The following KIAA1671 variants were observed in gnomAD, a reference collection of about 807,000 sequenced individuals.
KIAA1671 encodes KIAA1671, also known as uncharacterized protein KIAA1671.
Under a neutral mutation model 131.2 loss-of-function variants are expected in KIAA1671, and 52 were observed. That is an observed-to-expected ratio of 0.40 (90% confidence interval 0.32 to 0.50). The LOEUF (loss-of-function observed/expected upper bound fraction) is 0.50. KIAA1671 is among the 20% of genes least tolerant of loss of function. The pLI, the probability that KIAA1671 is intolerant of heterozygous loss-of-function variation, is 0.73. For synonymous variants in KIAA1671, 1,003 were observed against 961.6 expected (o/e 1.04, Z -0.80); for missense variants, 2,360 against 2,364.2 (o/e 1.00, Z 0.04).
intron 4 of KIAA1671, among the ~76,000 whole-genome samples, chr22:25,038,331 C>A (rs1372672693): frequency 6.6e-6 from 1 of 152,134 alleles, no homozygotes; most frequent in Non-Finnish European, 1.5e-5. Flanking sequence ...GTAACAAATG[C>A]CTGTGCAGTA....
At chr22:24,970,815 C>T (rs142068603) in intron 1 of KIAA1671, among the ~76,000 whole-genome samples, 21 of 151,118 alleles carry the variant, frequency 1.4e-4, no homozygotes, top group African/African-American at 4.6e-4. Context: ...TCCTGCAGCC[C>T]GAGGGCCATG....
chr22:24,956,198 G>A (rs1442546628), intron 1 of KIAA1671, among the ~76,000 whole-genome samples: 1 of 152,218 alleles, frequency 6.6e-6, no homozygotes, highest in African/African-American at 2.4e-5. Context: ...TCCTCAAGGT[G>A]GGTGTAACAG....
intron 1 of KIAA1671, among the ~76,000 whole-genome samples, chr22:25,021,483 G>A (rs200949862): frequency 4.3e-5 from 2 of 46,744 alleles, no homozygotes; most frequent in African/African-American, 1.8e-4. Context: ...TTTTTTTTTT[G>A]TCCTTTTTTT....
At chr22:24,990,919 C>CT (rs538714696) in intron 1 of KIAA1671, among the ~76,000 whole-genome samples, 4 of 151,726 alleles carry the variant, frequency 2.6e-5, no homozygotes, top group African/African-American at 7.3e-5. Context: ...AAGCCAGGAC[C>CT]AAAGGCTTCT....
chr22:25,011,333 G>A (rs1268473945), intron 1 of KIAA1671: 3 of 152,108 alleles, frequency 2.0e-5, no homozygotes, highest in East Asian at 3.9e-4. Flanking sequence ...TTTTTTTGTA[G>A]AGATGGGGTT....
At chr22:25,016,097 T>C (rs1925301349) in intron 1 of KIAA1671, among the ~76,000 whole-genome samples, 1 of 150,820 alleles carries the variant, frequency 6.6e-6, no homozygotes, top group African/African-American at 2.4e-5. Context: ...CTCGGCTCAC[T>C]GCAACCACCA....
chr22:25,108,494 A>G (rs1175468066), intron 6 of KIAA1671, among the ~76,000 whole-genome samples: 1 of 152,142 alleles, frequency 6.6e-6, no homozygotes, highest in African/African-American at 2.4e-5. Flanking sequence ...GTGTGGGGAA[A>G]ATGGACAAAC....
chr22:25,029,354 T>C lies in KIAA1671; in HGVS notation c.1355T>C (p.Leu452Ser). 6.4e-7 allele frequency: 1 copy of C among 1,550,886 alleles called. No individual in the cohort carries two copies. The highest frequency in any genetic ancestry group is 8.7e-7 in the Non-Finnish European group (1 of 1,146,606). The stretch of plus-strand genomic sequence containing the variant: ...TTTCGGGAGGACAGCACCTTGGCCT[T>C]GGCAGTGGGGTCTGAATCTCCCCTG... ...SLFREDSTLA[L>S]AVGSESPLAT... is the part of the protein sequence containing the mutation. Residue 452 changes from leucine (L) to serine (S), a missense_variant, in exon 3 of 13, where the codon TTG becomes TCG. Physicochemically the swap from Leu to Ser is moderately radical, Grantham distance 145. Coordinates refer to ENST00000358431, the MANE Select transcript of KIAA1671 (RefSeq NM_001145206.2).
At chr22:25,001,780 G>C (rs1924493127) in intron 1 of KIAA1671, among the ~76,000 whole-genome samples, 2 of 152,156 alleles carry the variant, frequency 1.3e-5, no homozygotes, top group South Asian at 4.1e-4. Flanking sequence ...AGTGCCTGTT[G>C]GTTTTCAGAT....
intron 6 of KIAA1671, among the ~76,000 whole-genome samples, chr22:25,124,063 A>G (rs1568968774): frequency 6.6e-6 from 1 of 152,140 alleles, no homozygotes; most frequent in Non-Finnish European, 1.5e-5. Context: ...TCTTGCCCAT[A>G]AAGGAGGCTG....
intron 6 of KIAA1671, among the ~76,000 whole-genome samples, chr22:25,090,512 C>T (rs958808931): frequency 1.3e-5 from 2 of 152,250 alleles, no homozygotes; most frequent in Admixed American, 6.5e-5. Flanking sequence ...CAGACTCCCT[C>T]AGTCCTTTAG....
chr22:25,105,825 G>C (rs983608746), intron 6 of KIAA1671, among the ~76,000 whole-genome samples: 8 of 152,076 alleles, frequency 5.3e-5, no homozygotes, highest in African/African-American at 1.9e-4. Context: ...AAGTTGGGGG[G>C]GGGGGGTGCC....
chr22:25,164,978 CGTGTGTGTGTGTGTGTGTGTGTGTGTGT>C (rs59765745), intron 6 of KIAA1671, among the ~76,000 whole-genome samples: 2 of 116,584 alleles, frequency 1.7e-5, no homozygotes, highest in East Asian at 5.1e-4. Flanking sequence ...GAGTTGCAGG[CGTGTGTGTGTGTGTGTGTGTGTGTGTGT>C]GTGTGTGTGT....
chr22:25,162,173 C>T (rs1333560740), intron 6 of KIAA1671, among the ~76,000 whole-genome samples: 2 of 152,196 alleles, frequency 1.3e-5, no homozygotes, highest in South Asian at 2.1e-4. Flanking sequence ...ACATTGTCAG[C>T]GCTCAGGAGT....
intron 6 of KIAA1671, among the ~76,000 whole-genome samples, chr22:25,139,873 A>G (rs1932781458): frequency 6.6e-6 from 1 of 152,208 alleles, no homozygotes. Context: ...TGAAGGCCTA[A>G]GGACGGAGTG....
At chr22:25,150,777 G>A (rs569636869) in intron 6 of KIAA1671, among the ~76,000 whole-genome samples, 1 of 151,800 alleles carries the variant, frequency 6.6e-6, no homozygotes, top group Non-Finnish European at 1.5e-5. Context: ...GTCCGTGGGT[G>A]GGAAAATCAT....
At chr22:25,046,034 G>A (rs996651708) in intron 5 of KIAA1671, among the ~76,000 whole-genome samples, 1 of 152,096 alleles carries the variant, frequency 6.6e-6, no homozygotes, top group Non-Finnish European at 1.5e-5. Flanking sequence ...GGGTGCAGTG[G>A]CTCACATCTG....
intron 6 of KIAA1671, among the ~76,000 whole-genome samples, chr22:25,107,879 A>T (rs964172951): frequency 2.6e-5 from 4 of 152,014 alleles, no homozygotes; most frequent in African/African-American, 9.7e-5. Flanking sequence ...GTGGTGGTGC[A>T]CACCTGTAAT....
At chr22:25,147,684 C>T (rs1932909735) in intron 6 of KIAA1671, among the ~76,000 whole-genome samples, 1 of 152,184 alleles carries the variant, frequency 6.6e-6, no homozygotes, top group African/African-American at 2.4e-5. Flanking sequence ...TCCTCTCCCA[C>T]TCTTCAGCCC....
Sources: allele counts gnomAD v4.1 joint callset (sites outside exome capture counted in the v4.1 genomes callset), GRCh38; gene constraint gnomAD v4.1.1; transcripts MANE v1.5; gene names NCBI Gene and HGNC (gene_info 2026-07-23, HGNC 2026-07-21).